Variants in SCG3 observed in about 807,000 individuals in gnomAD.
The protein encoded by SCG3 is secretogranin III, also known as secretogranin-3.
A neutral mutation model predicts 56.2 loss-of-function variants in SCG3; 38 were observed. The observed-to-expected ratio is 0.68, with a 90% confidence interval of 0.52 to 0.89. The LOEUF (loss-of-function observed/expected upper bound fraction) is 0.89, where lower values mean the gene tolerates loss of function less well. Among genes scored for constraint, SCG3 ranks in the 40% least tolerant of loss-of-function variants. The pLI is 0.00. For missense variants in SCG3, 524 were observed against 540.7 expected, an observed-to-expected ratio of 0.97 and a Z score of 0.31; for synonymous variants, 176 against 184.2, an observed-to-expected ratio of 0.96 and a Z score of 0.36.
chr15:51,681,940 G>A, intron 1 of SCG3, 103 bp downstream of exon 1: 1 of 838,686 alleles, frequency 1.2e-6, no homozygotes, highest in Admixed American at 2.0e-5. Flanking sequence ...CGCGTTTTCT[G>A]ATCAAATCAT....
At chr15:51,706,711 T>C (rs2055378589) in intron 10 of SCG3, among the ~76,000 whole-genome samples, 2 of 152,052 alleles carry the variant, frequency 1.3e-5, no homozygotes, top group South Asian at 4.1e-4. Context: ...AATAATACTC[T>C]ATATTTATAT....
intron 4 of SCG3, 58 bp downstream of exon 4, chr15:51,683,492 G>T (rs2055209161): frequency 9.3e-7 from 1 of 1,072,690 alleles, no homozygotes; most frequent in Non-Finnish European, 1.4e-6. Context: ...TGGGTTAAGA[G>T]AAAGTCCAAT....
At chr15:51,701,331 C>A in intron 10 of SCG3, 87 bp downstream of exon 10, 1 of 1,349,552 alleles carries the variant, frequency 7.4e-7, no homozygotes, top group Non-Finnish European at 1.0e-6. Flanking sequence ...AAAGAGCAAG[C>A]TCCATCACAT....
In SCG3 at chr15:51,692,251, G is replaced by C; in HGVS notation, c.783G>C (p.Arg261Ser). Residue 261 changes from arginine to serine, a missense_variant, in exon 7 of 12, where the codon AGG becomes AGC. By Grantham distance (110) the Arg-to-Ser change is moderately radical. Coordinates refer to ENST00000220478, the MANE Select transcript of SCG3 (RefSeq NM_013243.4). ...TAACCTTGACAAATGGCTTGGAAAG[G>C]AGAACTAAAACCTACAGTGAAGACA... ...NTLTLTNGLE[R>S]RTKTYSEDNF... 1 of 1,614,098 alleles carries C rather than the reference G, an allele frequency of 6.2e-7. No individual in the cohort carries two copies. Among genetic ancestry groups the C allele is most frequent in the Non-Finnish European group, 8.5e-7 (1 of 1,179,968 alleles).
At chr15:51,709,086 C>A (rs1165849297) in intron 10 of SCG3, among the ~76,000 whole-genome samples, 2 of 152,160 alleles carry the variant, frequency 1.3e-5, no homozygotes, top group African/African-American at 2.4e-5. Context: ...AATTGACTCA[C>A]AATTCCACAG....
intron 8 of SCG3, 24 bp downstream of exon 8, chr15:51,696,015 C>T (rs1349802686): frequency 7.5e-7 from 1 of 1,337,848 alleles, no homozygotes; most frequent in Non-Finnish European, 1.1e-6. Flanking sequence ...TGTTTTGTTT[C>T]TACTGTGGTG....
chr15:51,707,271 A>G (rs1034944439), intron 10 of SCG3, among the ~76,000 whole-genome samples: 16 of 152,156 alleles, frequency 1.1e-4, no homozygotes, highest in African/African-American at 3.6e-4. Flanking sequence ...TATCATCCTC[A>G]TATCTTTTTT....
At chr15:51,681,950 T>A (rs2055197552) in intron 1 of SCG3, 113 bp downstream of exon 1, 1 of 756,072 alleles carries the variant, frequency 1.3e-6, no homozygotes, top group Non-Finnish European at 2.3e-6. Context: ...GATCAAATCA[T>A]ATCCATGAAT....
chr15:51,682,877 G>A (rs1048083613), intron 2 of SCG3, among the ~76,000 whole-genome samples: 3 of 152,108 alleles, frequency 2.0e-5, no homozygotes, highest in Non-Finnish European at 4.4e-5. Flanking sequence ...AATATTATAG[G>A]AGAAAGAAAT....
chr15:51,718,843 G>GAA (rs1014022820), intron 11 of SCG3, among the ~76,000 whole-genome samples: 1 of 148,076 alleles, frequency 6.8e-6, no homozygotes, highest in African/African-American at 2.5e-5. Flanking sequence ...CTCTTAATTT[G>GAA]AAAAAAAAAA....
intron 10 of SCG3, among the ~76,000 whole-genome samples, chr15:51,712,000 T>G (rs1339969491): frequency 3.3e-5 from 5 of 152,202 alleles, no homozygotes; most frequent in Non-Finnish European, 5.9e-5. Context: ...GCAGTGTTAT[T>G]GTACATGGAC....
At chr15:51,696,654 C>T (rs557304834) in intron 8 of SCG3, among the ~76,000 whole-genome samples, 6 of 152,228 alleles carry the variant, frequency 3.9e-5, no homozygotes, top group Admixed American at 2.0e-4. Flanking sequence ...AGCATCTGCT[C>T]GGTGAAGCAA....
intron 7 of SCG3, among the ~76,000 whole-genome samples, 158 bp downstream of exon 7, chr15:51,692,494 A>T (rs1781215380): frequency 6.6e-6 from 1 of 152,114 alleles, no homozygotes; most frequent in African/African-American, 2.4e-5. Context: ...TTTTTTTTCC[A>T]AAGGAGCATG....
At chr15:51,715,279 T>G (rs370700110) in intron 11 of SCG3, 53 of 152,340 alleles carry the variant, frequency 3.5e-4, no homozygotes, top group African/African-American at 1.3e-3. Flanking sequence ...TATGCCCTCT[T>G]GAAGACAGAA....
chr15:51,692,817 A>G (rs896686428), intron 7 of SCG3, among the ~76,000 whole-genome samples: 1 of 152,228 alleles, frequency 6.6e-6, no homozygotes. Context: ...TGATTATCAC[A>G]ATGAATCTAA....
intron 11 of SCG3, among the ~76,000 whole-genome samples, chr15:51,718,217 GACAGACAGAC>G (rs2055471830): frequency 6.6e-6 from 1 of 152,090 alleles, no homozygotes; most frequent in Admixed American, 6.5e-5. Flanking sequence ...CAGACAGACA[GACAGACAGAC>G]AGACAGACAG....
chr15:51,709,887 A>ATTTTTTTTTT (rs67775073), intron 10 of SCG3, among the ~76,000 whole-genome samples: 649 of 84,674 alleles, frequency 7.7e-3, no homozygotes, highest in Non-Finnish European at 0.011. Flanking sequence ...CGCCCGGCTA[A>ATTTTTTTTTT]TTTTTTTTTT....
chr15:51,719,346 T>C (rs1387141585), intron 11 of SCG3, 62 bp from the exon 12 acceptor site: 11 of 1,089,240 alleles, frequency 1.0e-5, no homozygotes, highest in Non-Finnish European at 1.3e-5. Context: ...TTAATGGTAA[T>C]CACTGTAATG....
intron 7 of SCG3, 166 bp from the exon 8 acceptor site, chr15:51,695,709 C>T (rs992045491): frequency 1.8e-5 from 10 of 565,896 alleles, no homozygotes; most frequent in Admixed American, 9.8e-5. Context: ...ATGATCAGAC[C>T]GGAGAATAGC....
Sources: allele counts gnomAD v4.1 joint callset (sites outside exome capture counted in the v4.1 genomes callset), GRCh38; gene constraint gnomAD v4.1.1; transcripts MANE v1.5; gene names NCBI Gene and HGNC (gene_info 2026-07-23, HGNC 2026-07-21).